The following LRP2 variants were observed in gnomAD, a reference collection of about 807,000 sequenced individuals.
LRP2 encodes low-density lipoprotein receptor-related protein 2.
A neutral mutation model predicts 531.0 loss-of-function variants in LRP2; 172 were observed. That is an observed-to-expected ratio of 0.32 (90% CI 0.29 to 0.37). The LOEUF (loss-of-function observed/expected upper bound fraction) is 0.37. Ranked by LOEUF, LRP2 falls within the 10% of genes least tolerant of loss-of-function variation. The pLI, the probability that LRP2 is intolerant of heterozygous loss-of-function variation, is 1.00. For missense variants in LRP2, 5,167 were observed against 5,868.3 expected (o/e 0.88, Z 3.90); for synonymous variants, 1,992 against 2,027.6 (o/e 0.98, Z 0.47).
At chr2:169,199,050 T>C (rs1351107715) in intron 44 of LRP2, 139 bp from the exon 45 acceptor site, 2 of 781,826 alleles carry the variant, frequency 2.6e-6, no homozygotes, top group Non-Finnish European at 4.2e-6. Context: ...AAAGGCAGGA[T>C]CCATGATACT....
Position 169,204,207 on chromosome 2 carries a change from G to C in LRP2, c.7780C>G (p.His2594Asp). Reference protein sequence around the residue: ...DREVIVNAAVHAFGLTLYGQY... With the variant: ...DREVIVNAAVDAFGLTLYGQY... ...CCATAGAGAGTCAAGCCAAAAGCAT[G>C]AACGGCTGCATTGACAATGACTTCA... The change falls in exon 42 of 79, where the codon CAT (histidine) becomes GAT (aspartate). Residue 2594 changes from histidine to aspartate, a missense_variant. His to Asp is a moderately conservative substitution (Grantham distance 81, BLOSUM62 -1). Around this residue, in one of 6 missense-constraint regions of LRP2, gnomAD observed 1,129 missense variants for 1,362.7 expected, o/e 0.83. Coordinates refer to ENST00000649046, the MANE Select transcript of LRP2 (RefSeq NM_004525.3). 1 of 1,614,116 alleles carries C rather than the reference G, an allele frequency of 6.2e-7. No individual in the cohort carries two copies. The highest frequency in any genetic ancestry group is 1.3e-5 in the African/African-American group (1 of 75,016).
At chr2:169,147,985 T>C (rs1004019088) in intron 68 of LRP2, among the ~76,000 whole-genome samples, 2 of 152,152 alleles carry the variant, frequency 1.3e-5, no homozygotes, top group Non-Finnish European at 1.5e-5. Flanking sequence ...CAGCCAAATA[T>C]GTCCTATGGG....
At chr2:169,279,655 T>C (rs1465316019) in intron 11 of LRP2, 60 bp from the exon 12 acceptor site, 1 of 1,079,758 alleles carries the variant, frequency 9.3e-7, no homozygotes, top group Non-Finnish European at 1.4e-6. Flanking sequence ...TGGTTTGTTT[T>C]GATTTTTTTT....
intron 14 of LRP2, 148 bp downstream of exon 14, chr2:169,274,888 G>C: frequency 1.3e-6 from 1 of 768,132 alleles, no homozygotes; most frequent in South Asian, 1.6e-5. Context: ...ACCAGTTTCA[G>C]AGAGTTTAAC....
chr2:169,168,700 T>C (rs750698334), intron 60 of LRP2, 24 bp from the exon 61 acceptor site: 22 of 1,613,712 alleles, frequency 1.4e-5, no homozygotes, highest in South Asian at 5.5e-5. Context: ...AAAAAACATA[T>C]TCAAATTATT....
At chr2:169,254,635 G>A in intron 19 of LRP2, among the ~76,000 whole-genome samples, 1 of 26,210 alleles carries the variant, frequency 3.8e-5, no homozygotes, top group African/African-American at 1.6e-4. Flanking sequence ...CTAAAACTTA[G>A]AGTATAATAA....
chr2:169,142,942 AT>A (rs1685776681), intron 70 of LRP2, 149 bp from the exon 71 acceptor site: 1 of 820,582 alleles, frequency 1.2e-6, no homozygotes, highest in Admixed American at 1.9e-5. Flanking sequence ...ACTCACCCTC[AT>A]TTACACTATC....
chr2:169,221,675 C>T (rs115662056), intron 33 of LRP2, among the ~76,000 whole-genome samples: 2,807 of 152,196 alleles, frequency 0.018, 71 homozygotes, highest in Middle Eastern at 0.071. Context: ...CGTGTGTGCA[C>T]GCATTCACAC....
chr2:169,226,264 A>G (rs951923290), intron 32 of LRP2, among the ~76,000 whole-genome samples, 158 bp downstream of exon 32: 1 of 152,220 alleles, frequency 6.6e-6, no homozygotes, highest in Non-Finnish European at 1.5e-5. Flanking sequence ...CCAAGCTCAC[A>G]TATATACCCC....
rs886055077 is a variant in LRP2, at chr2:169,132,603, G to C, written c.13699C>G (p.Pro4567Ala). The change falls in exon 77 of 79, where the codon CCA (proline) becomes GCA (alanine). Residue 4567 changes from proline (P) to alanine (A), a missense_variant. Transcript: ENST00000649046. Reference protein sequence around the residue: ...NPSEIVPETNPTSPAADGTQV... With the variant: ...NPSEIVPETNATSPAADGTQV... ...GTTCCATCAGCAGCTGGTGAAGTTG[G>C]GTTTGTCTCTGGAACTATCTCAGAA... The C allele has an allele frequency of 6.2e-7, 1 of 1,609,560 alleles. No individual in the cohort carries two copies. The highest frequency in any genetic ancestry group is 8.5e-7 in the Non-Finnish European group (1 of 1,175,950).
intron 56 of LRP2, 102 bp downstream of exon 56, chr2:169,173,817 A>C (rs1465242457): frequency 2.0e-6 from 3 of 1,499,090 alleles, no homozygotes; most frequent in Non-Finnish European, 2.8e-6. Context: ...GGAGCATCCC[A>C]TCAGCTGAAA....
At chr2:169,186,294 C>T (rs1211927303) in intron 49 of LRP2, among the ~76,000 whole-genome samples, 2 of 152,178 alleles carry the variant, frequency 1.3e-5, no homozygotes, top group Admixed American at 6.5e-5. Flanking sequence ...GCTGGTCAAA[C>T]AGGACTCAGG....
At chr2:169,343,609 C>T (rs1423343934) in intron 1 of LRP2, among the ~76,000 whole-genome samples, 1 of 152,096 alleles carries the variant, frequency 6.6e-6, no homozygotes, top group Non-Finnish European at 1.5e-5. Context: ...TTGTATAGTC[C>T]AGGAAACTGA....
At chr2:169,359,073 A>G (rs775052468) in intron 1 of LRP2, among the ~76,000 whole-genome samples, 7 of 152,020 alleles carry the variant, frequency 4.6e-5, no homozygotes, top group Non-Finnish European at 7.4e-5. Context: ...GTTGATAAAT[A>G]TAATAAAAAT....
At chr2:169,301,555 G>A (rs1373974433) in intron 4 of LRP2, among the ~76,000 whole-genome samples, 1 of 151,894 alleles carries the variant, frequency 6.6e-6, no homozygotes, top group East Asian at 1.9e-4. Context: ...TTTCTAAAAG[G>A]GTAAAATAAC....
At chr2:169,202,715 T>C in intron 43 of LRP2, 41 bp downstream of exon 43, 1 of 1,591,498 alleles carries the variant, frequency 6.3e-7, no homozygotes. Context: ...GACATCAAGA[T>C]GCCATTAGCT....
chr2:169,248,660 G>A (rs969805481), intron 19 of LRP2, among the ~76,000 whole-genome samples: 3 of 123,902 alleles, frequency 2.4e-5, no homozygotes, highest in Non-Finnish European at 3.5e-5. Flanking sequence ...GAACAGCTCC[G>A]GTCTACAGCT....
At chr2:169,318,445 C>A (rs1206315259) in intron 3 of LRP2, among the ~76,000 whole-genome samples, 1 of 152,190 alleles carries the variant, frequency 6.6e-6, no homozygotes, top group Non-Finnish European at 1.5e-5. Flanking sequence ...ATTCAGCTGT[C>A]AACCACACAC....
In LRP2 at chr2:169,307,263, G is replaced by A. The variant is rs775148958; in HGVS notation, c.427+18C>T. ...AAGGGTGAAACCAAATACAGTGCAA[G>A]GACTAAAACAGACTCACGGCAGTCA... On this transcript the variant is annotated intron_variant, in intron 4 of 78. Transcript: ENST00000649046. 28 of 1,538,396 alleles carry A rather than the reference G, an allele frequency of 1.8e-5. No individual in the cohort carries two copies. Among genetic ancestry groups the A allele is most frequent in the Non-Finnish European group, 2.4e-5 (27 of 1,110,968 alleles).
Sources: gnomAD v4.1 joint callset for allele counts (sites outside exome capture counted in the v4.1 genomes callset) on GRCh38, gnomAD v4.1.1 for gene constraint, gnomAD v4.1.1 regional missense constraint, MANE v1.5 for transcripts, NCBI Gene and HGNC (gene_info 2026-07-23, HGNC 2026-07-21) for gene names.